The following CERS6 variants were observed in gnomAD, a reference collection of about 807,000 sequenced individuals.
CERS6 encodes the protein LAG1 homolog, ceramide synthase 6.
CERS6 carries 26 observed loss-of-function variants against 56.8 expected under a neutral mutation model. That is an observed-to-expected ratio of 0.46 (90% CI 0.34 to 0.63). The LOEUF is 0.63. CERS6 is among the 30% of genes least tolerant of loss of function. CERS6 has a pLI of 0.01. For synonymous variants in CERS6, 164 were observed against 173.3 expected (o/e 0.95, Z 0.42); for missense variants, 415 against 467.5 (o/e 0.89, Z 1.04).
chr2:168,538,362 C>T (rs891547240), intron 1 of CERS6, among the ~76,000 whole-genome samples: 1 of 152,174 alleles, frequency 6.6e-6, no homozygotes, highest in Non-Finnish European at 1.5e-5. Context: ...CCTCTCTAGC[C>T]TTCTGGATAT....
At chr2:168,472,111 A>G (rs561029407) in intron 1 of CERS6, among the ~76,000 whole-genome samples, 1 of 152,324 alleles carries the variant, frequency 6.6e-6, no homozygotes, top group African/African-American at 2.4e-5. Context: ...CCTAGTGGGT[A>G]TTAGCTCTAA....
intron 4 of CERS6, among the ~76,000 whole-genome samples, chr2:168,670,183 G>T (rs1460342063): frequency 6.6e-6 from 1 of 152,156 alleles, no homozygotes; most frequent in Non-Finnish European, 1.5e-5. Context: ...ATAGAGCAGA[G>T]AATTGAAATA....
intron 5 of CERS6, 21 bp from the exon 6 acceptor site, chr2:168,694,938 T>A: frequency 1.3e-6 from 2 of 1,584,834 alleles, no homozygotes; most frequent in South Asian, 2.2e-5. Context: ...TAATCATTCC[T>A]TTTTTTTCTT....
intron 8 of CERS6, among the ~76,000 whole-genome samples, chr2:168,723,418 C>CA (rs1186999189): frequency 6.6e-6 from 1 of 152,034 alleles, no homozygotes; most frequent in African/African-American, 2.4e-5. Flanking sequence ...AGCCAGTATT[C>CA]AAAAAACAAA....
chr2:168,683,709 G>A (rs1033635349), intron 4 of CERS6, among the ~76,000 whole-genome samples: 1 of 152,076 alleles, frequency 6.6e-6, no homozygotes, highest in East Asian at 1.9e-4. Context: ...ACATGGAATT[G>A]ATTGGTCTCT....
rs186549357 is a variant in CERS6 at position 168,771,414 on chromosome 2, C to T, written c.*1752C>T. 16 of 152,268 alleles carry T rather than the reference C, an allele frequency of 1.1e-4. No homozygotes were observed. In the East Asian group the frequency reaches 2.1e-3, roughly 20 times the overall value. The allele number at this position is 152,268 out of a possible 1,614,324, so 9.4% of individuals were successfully genotyped here. A position where few individuals can be genotyped will look rare whatever the true frequency, so the allele number is the denominator to read the frequency against. The stretch of plus-strand genomic sequence containing the variant: ...TAATAATTGAAGAGGCTTAGAAATA[C>T]ATCTGCTTGTTTATTGAGAAAACGA... On this transcript the variant is annotated 3_prime_UTR_variant, in exon 10 of 10. Coordinates refer to ENST00000305747, the MANE Select transcript of CERS6 (RefSeq NM_203463.3).
chr2:168,545,129 A>ATGTATTTGTAGAAACACACG (rs1397471624), intron 1 of CERS6, among the ~76,000 whole-genome samples: 83 of 152,060 alleles, frequency 5.5e-4, no homozygotes, highest in Non-Finnish European at 8.1e-4. Flanking sequence ...AGAAACACAC[A>ATGTATTTGTAGAAACACACG]CATGTATTTG....
intron 4 of CERS6, among the ~76,000 whole-genome samples, chr2:168,669,012 T>A (rs1685840720): frequency 5.9e-5 from 9 of 152,206 alleles, no homozygotes; most frequent in Admixed American, 5.9e-4. Context: ...CCCTCGCTGT[T>A]CCTCTCTAGT....
At chr2:168,474,029 A>T (rs1440077761) in intron 1 of CERS6, among the ~76,000 whole-genome samples, 1 of 152,154 alleles carries the variant, frequency 6.6e-6, no homozygotes, top group Non-Finnish European at 1.5e-5. Context: ...GTGAATCTGT[A>T]CTCCAGCTTG....
At position 168,599,799 on chromosome 2, in the gene CERS6, T is replaced by C. The variant is rs558227669; in HGVS notation, c.408-31186T>C. Among the ~76,000 whole-genome samples the C allele has an allele frequency of 2.6e-5, 4 of 152,330 alleles. No individual in the cohort carries two copies. In the South Asian group the frequency reaches 6.2e-4, roughly 24 times the overall value. ...GAGCTTCACTGTGGACATTTAAATG[T>C]CACAAATATTTATGGAATTCCAAAT... On this transcript the variant is annotated intron_variant, in intron 3 of 9. Coordinates refer to ENST00000305747, the MANE Select transcript of CERS6 (RefSeq NM_203463.3).
At chr2:168,507,205 A>G (rs909812631) in intron 1 of CERS6, among the ~76,000 whole-genome samples, 3 of 152,218 alleles carry the variant, frequency 2.0e-5, no homozygotes, top group African/African-American at 7.2e-5. Context: ...ACTCCAAATC[A>G]GGAAATAAGC....
In CERS6 at chr2:168,657,736, C is replaced by A. The variant is rs138947497; in HGVS notation, c.465+26694C>A. On this transcript the variant is annotated intron_variant, in intron 4 of 9. Transcript: ENST00000305747. Reference sequence around the variant, plus strand: ...CAGGGCAGGCTGGCTGCTCCGAGTGCGGGGCCCACCAAGCCCACGCCCACC... The same window carrying A: ...CAGGGCAGGCTGGCTGCTCCGAGTGAGGGGCCCACCAAGCCCACGCCCACC... 7.2e-3 allele frequency among the ~76,000 whole-genome samples: 1,096 copies of A among 152,342 alleles called. 15 individuals are homozygous for A. The highest frequency in any genetic ancestry group is 0.025 in the African/African-American group (1,038 of 41,572).
intron 1 of CERS6, among the ~76,000 whole-genome samples, chr2:168,502,918 A>C (rs1365616529): frequency 6.6e-6 from 1 of 152,146 alleles, no homozygotes; most frequent in Non-Finnish European, 1.5e-5. Context: ...GAGTCTCTTA[A>C]AAGTCCATGC....
At chr2:168,726,812 T>A (rs143294318) in intron 8 of CERS6, among the ~76,000 whole-genome samples, 1 of 152,366 alleles carries the variant, frequency 6.6e-6, no homozygotes, top group African/African-American at 2.4e-5. Flanking sequence ...GTTCTTATTA[T>A]ATTTTATAAC....
chr2:168,604,578 C>G (rs969099943), intron 3 of CERS6, among the ~76,000 whole-genome samples: 2 of 152,084 alleles, frequency 1.3e-5, no homozygotes, highest in Non-Finnish European at 2.9e-5. Flanking sequence ...GGGAGGTGAC[C>G]GAATCCTGGG....
At chr2:168,515,708 A>G (rs1041701101) in intron 1 of CERS6, among the ~76,000 whole-genome samples, 1 of 152,248 alleles carries the variant, frequency 6.6e-6, no homozygotes, top group African/African-American at 2.4e-5. Flanking sequence ...TTTAGAAGTC[A>G]GGATCAGTGG....
intron 2 of CERS6, 103 bp from the exon 3 acceptor site, chr2:168,561,089 C>A: frequency 1.6e-6 from 2 of 1,258,662 alleles, no homozygotes; most frequent in African/African-American, 1.5e-5. Context: ...AGATAGTAAA[C>A]AATAGGGGGA....
intron 8 of CERS6, among the ~76,000 whole-genome samples, chr2:168,740,686 C>A (rs1167047900): frequency 1.3e-5 from 2 of 152,212 alleles, no homozygotes; most frequent in African/African-American, 4.8e-5. Context: ...AGAAAGGATT[C>A]TGAAATTGTT....
chr2:168,716,536 C>T (rs578138666), intron 7 of CERS6, among the ~76,000 whole-genome samples: 63 of 152,192 alleles, frequency 4.1e-4, no homozygotes, highest in African/African-American at 1.2e-3. Context: ...CCTAGATTCT[C>T]TTAAACATTA....
Sources: allele counts gnomAD v4.1 joint callset (sites outside exome capture counted in the v4.1 genomes callset), GRCh38; gene constraint gnomAD v4.1.1; transcripts MANE v1.5; gene names NCBI Gene and HGNC (gene_info 2026-07-23, HGNC 2026-07-21).